The following KDM6A variants were observed in gnomAD, a reference collection of about 807,000 sequenced individuals.
KDM6A encodes the protein lysine-specific demethylase 6A.
A neutral mutation model predicts 117.6 loss-of-function variants in KDM6A; 11 were observed. The observed-to-expected ratio is 0.09, with a 90% confidence interval of 0.06 to 0.15. The LOEUF (loss-of-function observed/expected upper bound fraction) is 0.15, where lower values mean the gene tolerates loss of function less well. KDM6A is among the 10% of genes least tolerant of loss of function. The pLI is 1.00. For missense variants in KDM6A, 799 were observed against 1,077.3 expected (o/e 0.74, Z 3.62); for synonymous variants, 384 against 396.1 (o/e 0.97, Z 0.36).
intron 3 of KDM6A, among the ~76,000 whole-genome samples, chrX:44,969,743 T>TGACA (rs1485958700): frequency 8.9e-6 from 1 of 111,732 alleles, no homozygotes; most frequent in East Asian, 2.8e-4. Flanking sequence ...GTGGGTTGAA[T>TGACA]GACAGTACTC....
chrX:45,078,744 T>C (rs1602925324), intron 20 of KDM6A, among the ~76,000 whole-genome samples: 2 of 110,981 alleles, frequency 1.8e-5, no homozygotes. Flanking sequence ...TGGAGGTTTT[T>C]AAATTTAGCT....
intron 2 of KDM6A, among the ~76,000 whole-genome samples, chrX:44,944,692 C>T (rs1042803434): frequency 2.0e-4 from 22 of 109,861 alleles, no homozygotes; most frequent in South Asian, 3.8e-4. Context: ...CTGTTGTATG[C>T]GATAAAAAAA....
At chrX:45,040,275 A>ACCG (rs2043019784) in intron 8 of KDM6A, among the ~76,000 whole-genome samples, 1 of 18,864 alleles carries the variant, frequency 5.3e-5, no homozygotes, top group Non-Finnish European at 1.0e-4. Flanking sequence ...GGGGGTGCTG[A>ACCG]CCCCCCCACC....
intron 2 of KDM6A, among the ~76,000 whole-genome samples, chrX:44,959,992 C>A (rs1173556001): frequency 2.7e-5 from 3 of 111,476 alleles, no homozygotes; most frequent in Admixed American, 1.9e-4. Flanking sequence ...AATGGATTAT[C>A]CAAACTTGTT....
At position 45,090,971 on chromosome X, in the gene KDM6A, A is replaced by T. The variant is rs2045870371; in HGVS notation, c.4034+107A>T. The T allele has an allele frequency of 3.7e-6, 3 of 816,372 alleles. No homozygotes were observed. The East Asian group carries it at 9.5e-5, about 26-fold the overall frequency. 67.3% of individuals were successfully genotyped at this position (816,372 alleles called of 1,213,427 possible). A position where few individuals can be genotyped will look rare whatever the true frequency, so the allele number is the denominator to read the frequency against. On this transcript the variant is annotated intron_variant, in intron 27 of 29. Coordinates refer to ENST00000611820, the MANE Select transcript of KDM6A (RefSeq NM_001291415.2). Reference sequence around the variant, plus strand: ...CGTTGACATCAAAGCAAAATGGTGCAAAAGTCTAGCAGAATGTATTATGAG... The same window carrying T: ...CGTTGACATCAAAGCAAAATGGTGCTAAAGTCTAGCAGAATGTATTATGAG...
At chrX:44,954,943 G>C (rs1444225931) in intron 2 of KDM6A, among the ~76,000 whole-genome samples, 1 of 111,065 alleles carries the variant, frequency 9.0e-6, no homozygotes, top group Non-Finnish European at 1.9e-5. Flanking sequence ...AGAAGTGTTA[G>C]GGAAGACTTA....
intron 2 of KDM6A, among the ~76,000 whole-genome samples, chrX:44,943,370 A>AT (rs58966143): frequency 0.17 from 18,701 of 111,040 alleles, 2,306 homozygotes; most frequent in African/African-American, 0.43. Context: ...AAGTGTCAGC[A>AT]TTTTTTAGCA....
intron 4 of KDM6A, among the ~76,000 whole-genome samples, chrX:45,001,814 TC>T (rs929201930): frequency 2.7e-5 from 3 of 110,913 alleles, no homozygotes; most frequent in Non-Finnish European, 5.7e-5. Flanking sequence ...GATGAGTCTA[TC>T]CCCCTTCCGC....
intron 8 of KDM6A, among the ~76,000 whole-genome samples, chrX:45,041,530 TCAGA>T (rs987498895): frequency 1.2e-4 from 13 of 104,653 alleles, no homozygotes; most frequent in Non-Finnish European, 2.6e-4. Flanking sequence ...TCCTCACTTC[TCAGA>T]CAGGGCGGTT....
In KDM6A at chrX:45,007,324, T is replaced by C. The variant is rs190060187; in HGVS notation, c.385-3637T>C. Among the ~76,000 whole-genome samples the C allele has an allele frequency of 2.2e-3, 244 of 111,866 alleles. 1 individual carries two copies. Among genetic ancestry groups the C allele is most frequent in the African/African-American group, 7.5e-3 (232 of 30,762 alleles). ...GGAAATGATACAGTCTTGATTTGGC[T>C]CCTTCCAGCTTCTTTTTATTTCCTA... On this transcript the variant is annotated intron_variant, in intron 4 of 29. Coordinates refer to ENST00000611820, the MANE Select transcript of KDM6A (RefSeq NM_001291415.2).
intron 2 of KDM6A, among the ~76,000 whole-genome samples, chrX:44,931,878 T>C (rs913026634): frequency 9.0e-6 from 1 of 111,058 alleles, no homozygotes; most frequent in Admixed American, 9.6e-5. Context: ...CACAATTAAA[T>C]GATACAGTGT....
chrX:44,892,691 C>CA (rs1218915077), intron 2 of KDM6A, among the ~76,000 whole-genome samples: 3 of 102,347 alleles, frequency 2.9e-5, no homozygotes, highest in African/African-American at 1.1e-4. Context: ...GACTCTGTCT[C>CA]AAACAAAAAC....
chrX:45,005,936 A>C, intron 4 of KDM6A, among the ~76,000 whole-genome samples: 1 of 90,513 alleles, frequency 1.1e-5, no homozygotes, highest in African/African-American at 4.2e-5. Flanking sequence ...CACCCCAACC[A>C]AGGAGTACTT....
chrX:44,967,279 A>G (rs746979800), intron 3 of KDM6A, among the ~76,000 whole-genome samples: 3 of 111,367 alleles, frequency 2.7e-5, no homozygotes, highest in Non-Finnish European at 5.7e-5. Flanking sequence ...CATACCCTCA[A>G]GATTACCAGT....
intron 2 of KDM6A, among the ~76,000 whole-genome samples, chrX:44,919,416 A>G (rs2035762942): frequency 9.1e-6 from 1 of 110,452 alleles, no homozygotes; most frequent in Non-Finnish European, 1.9e-5. Flanking sequence ...TGATGATTAG[A>G]CTGGGGTTGC....
Position 44,943,413 on chromosome X carries a change from A to G in KDM6A, c.226-17871A>G, listed in dbSNP as rs772532270. ...ATTGCTAAGCACATGCTGTTGGAAAACTGGTGCTGATAGACTTGCCACAAA... is the reference window on the plus strand; with the variant it reads ...ATTGCTAAGCACATGCTGTTGGAAAGCTGGTGCTGATAGACTTGCCACAAA... On this transcript the variant is annotated intron_variant, in intron 2 of 29. Transcript: ENST00000611820. Among the ~76,000 whole-genome samples the G allele has an allele frequency of 2.9e-4, 32 of 112,148 alleles. 1 individual carries two copies. The South Asian group carries it at 1.0e-2, about 35-fold the overall frequency.
chrX:45,107,214 A>G (rs1692208953), intron 27 of KDM6A, 196 bp from the exon 28 acceptor site: 3 of 420,712 alleles, frequency 7.1e-6, no homozygotes, highest in African/African-American at 5.0e-5. Flanking sequence ...AAATGTTTTA[A>G]TATTGTCTTC....
intron 4 of KDM6A, among the ~76,000 whole-genome samples, chrX:44,986,086 A>C (rs1282620525): frequency 2.6e-4 from 29 of 111,064 alleles, no homozygotes; most frequent in African/African-American, 9.2e-4. Flanking sequence ...TCAATTTCAG[A>C]TCCTGTTATT....
At chrX:44,907,118 A>G (rs1433314547) in intron 2 of KDM6A, among the ~76,000 whole-genome samples, 2 of 112,051 alleles carry the variant, frequency 1.8e-5, no homozygotes, top group Non-Finnish European at 1.9e-5. Flanking sequence ...TATTAAAACT[A>G]CATAAATAAG....
Sources: gnomAD v4.1 joint callset for allele counts (sites outside exome capture counted in the v4.1 genomes callset) on GRCh38, gnomAD v4.1.1 for gene constraint, MANE v1.5 for transcripts, NCBI Gene and HGNC (gene_info 2026-07-23, HGNC 2026-07-21) for gene names.